MRTFB: variants seen among roughly 807,000 people sequenced by gnomAD.
The protein encoded by MRTFB is myocardin related transcription factor B, also known as myocardin-related transcription factor B.
In MRTFB, 29 loss-of-function variants were observed where a neutral mutation model predicts 104.2. The observed-to-expected ratio is 0.28, with a 90% CI of 0.21 to 0.38. The LOEUF (loss-of-function observed/expected upper bound fraction) is 0.38. Ranked by LOEUF, MRTFB falls within the 10% of genes least tolerant of loss-of-function variation. The pLI, the probability that MRTFB is intolerant of heterozygous loss-of-function variation, is 1.00. For synonymous variants in MRTFB, 535 were observed against 519.5 expected (o/e 1.03, Z -0.41); for missense variants, 1,270 against 1,341.6 (o/e 0.95, Z 0.83).
At chr16:14,104,036 G>A (rs1215575857) in intron 2 of MRTFB, among the ~76,000 whole-genome samples, 2 of 152,210 alleles carry the variant, frequency 1.3e-5, no homozygotes, top group Non-Finnish European at 2.9e-5. Context: ...AGTGACATTT[G>A]TACTGAAGTA....
In MRTFB at chr16:14,139,837, A is replaced by G. The variant is rs142660643; in HGVS notation, c.-63-707A>G. Among the ~76,000 whole-genome samples, 132 of 152,346 alleles carry G rather than the reference A, an allele frequency of 8.7e-4. No homozygotes were observed. The Middle Eastern group carries it at 0.014, about 16-fold the overall frequency. ...TCGAATGTTTTGCCACTGCCATAAC[A>G]TGGACTGACCATCCTTCTAGCCTCC... On this transcript the variant is annotated intron_variant, in intron 2 of 16. Coordinates refer to ENST00000571589, the MANE Select transcript of MRTFB (RefSeq NM_001308142.2).
intron 6 of MRTFB, among the ~76,000 whole-genome samples, chr16:14,214,573 G>A (rs548714936): frequency 6.2e-4 from 95 of 152,300 alleles, no homozygotes; most frequent in South Asian, 1.0e-3. Context: ...TGTTAGAGGT[G>A]TTCCTTCATT....
intron 2 of MRTFB, among the ~76,000 whole-genome samples, chr16:14,130,251 T>C (rs1596996258): frequency 6.6e-6 from 1 of 152,206 alleles, no homozygotes; most frequent in South Asian, 2.1e-4. Context: ...CACAGAATCC[T>C]TTGTTCTTAC....
At chr16:14,239,465 T>G (rs2042666087) in intron 9 of MRTFB, among the ~76,000 whole-genome samples, 1 of 152,238 alleles carries the variant, frequency 6.6e-6, no homozygotes, top group African/African-American at 2.4e-5. Context: ...GTCTTTGTAT[T>G]AAGTTGGGTA....
intron 8 of MRTFB, among the ~76,000 whole-genome samples, chr16:14,219,738 TTTC>T (rs2041600052): frequency 6.6e-6 from 1 of 152,218 alleles, no homozygotes; most frequent in Non-Finnish European, 1.5e-5. Context: ...TCAGCATTAT[TTTC>T]TTCATTGCAT....
the MRTFB span, among the ~76,000 whole-genome samples, chr16:14,066,058 G>T: frequency 6.6e-6 from 1 of 152,040 alleles, no homozygotes; most frequent in Non-Finnish European, 1.5e-5. Flanking sequence ...TGAAAGCATG[G>T]ACTATACCTG....
At chr16:14,206,283 G>C (rs1301309641) in intron 3 of MRTFB, among the ~76,000 whole-genome samples, 1 of 152,164 alleles carries the variant, frequency 6.6e-6, no homozygotes, top group African/African-American at 2.4e-5. Flanking sequence ...CATTCTGCCT[G>C]ACTTCTGTGT....
At chr16:14,229,428 C>G (rs1313143266) in intron 8 of MRTFB, among the ~76,000 whole-genome samples, 1 of 152,224 alleles carries the variant, frequency 6.6e-6, no homozygotes, top group Non-Finnish European at 1.5e-5. Context: ...GTTAAGAACT[C>G]TGCTGCATCC....
At chr16:14,072,867 T>G (rs2033801351) in intron 1 of MRTFB, among the ~76,000 whole-genome samples, 1 of 152,234 alleles carries the variant, frequency 6.6e-6, no homozygotes, top group South Asian at 2.1e-4. Context: ...ATCCATATTT[T>G]TAAACTATAT....
the MRTFB span, among the ~76,000 whole-genome samples, chr16:14,051,767 G>T: frequency 6.6e-6 from 1 of 152,142 alleles, no homozygotes; most frequent in East Asian, 1.9e-4. Context: ...AGTGTTCAAC[G>T]CACACTTATG....
chr16:14,244,477 A>G (rs1035696245), intron 10 of MRTFB, among the ~76,000 whole-genome samples: 4 of 152,214 alleles, frequency 2.6e-5, no homozygotes, highest in Non-Finnish European at 4.4e-5. Context: ...TTTCAAAGAA[A>G]AGATGTTTTT....
At chr16:14,065,853 C>T in the MRTFB span, among the ~76,000 whole-genome samples, 6 of 152,262 alleles carry the variant, frequency 3.9e-5, no homozygotes, top group East Asian at 1.2e-3. Context: ...AATGCTCTCC[C>T]CTCTCCTTCC....
chr16:14,141,353 C>A (rs903963478), intron 3 of MRTFB: 1 of 152,084 alleles, frequency 6.6e-6, no homozygotes, highest in African/African-American at 2.4e-5. Context: ...CCAGAAGACA[C>A]AATACTGTCA....
intron 3 of MRTFB, among the ~76,000 whole-genome samples, chr16:14,159,412 C>T (rs1597110313): frequency 1.3e-5 from 2 of 152,210 alleles, no homozygotes; most frequent in East Asian, 3.9e-4. Flanking sequence ...TTTAAACAAA[C>T]ATTTTCACAT....
intron 2 of MRTFB, among the ~76,000 whole-genome samples, chr16:14,116,355 G>A (rs1482689172): frequency 3.9e-5 from 6 of 152,078 alleles, no homozygotes; most frequent in East Asian, 1.9e-4. Context: ...TCTAGATTAA[G>A]TACCCTACCG....
chr16:14,148,575 A>G (rs1398365405), intron 3 of MRTFB: 1 of 152,638 alleles, frequency 6.6e-6, no homozygotes, highest in Non-Finnish European at 1.5e-5. Flanking sequence ...TACCTAGACT[A>G]ATTAGCAAAT....
chr16:14,044,145 TTCAGTCAG>T, the MRTFB span, among the ~76,000 whole-genome samples: 46 of 152,298 alleles, frequency 3.0e-4, no homozygotes, highest in African/African-American at 1.1e-3. Flanking sequence ...CATTCATTCA[TTCAGTCAG>T]TCAGTCAGTC....
At position 14,234,269 on chromosome 16, in the gene MRTFB, C is replaced by A. The variant is rs965872405; in HGVS notation, c.817C>A (p.Pro273Thr). 11 of 1,614,078 alleles carry A rather than the reference C, an allele frequency of 6.8e-6. No individual in the cohort carries two copies. Among genetic ancestry groups the A allele is most frequent in the Non-Finnish European group, 9.3e-6 (11 of 1,179,988 alleles). ...CACTGTGTCCTCAGCAAAGCCTGGC[C>A]CAGCACTGGTGAAGGTGGGTACTTT... The part of the protein sequence containing the change: ...TNTVSSAKPG[P>T]ALVKQSHPKN... Residue 273 changes from proline (P) to threonine (T), a missense_variant, in exon 9 of 17, where the codon CCA (proline) becomes ACA (threonine). By Grantham distance (38) the Pro-to-Thr change is conservative. Around this residue, in one of 3 missense-constraint regions of MRTFB, gnomAD observed 1,144 missense variants for 1,131.5 expected, o/e 1.01. Transcript: ENST00000571589.
At chr16:14,260,354 TA>T (rs11334309) in intron 16 of MRTFB, among the ~76,000 whole-genome samples, 26,697 of 128,930 alleles carry the variant, frequency 0.21, 3,444 homozygotes, top group African/African-American at 0.38. Flanking sequence ...ACTGTAATGA[TA>T]AAAAAAAAAA....
Sources: gnomAD v4.1 joint callset for allele counts (sites outside exome capture counted in the v4.1 genomes callset) on GRCh38, gnomAD v4.1.1 for gene constraint, gnomAD v4.1.1 regional missense constraint, MANE v1.5 for transcripts, NCBI Gene and HGNC (gene_info 2026-07-23, HGNC 2026-07-21) for gene names.